Variants in CLPX observed in about 807,000 individuals in gnomAD.
The protein encoded by CLPX is caseinolytic mitochondrial matrix peptidase chaperone subunit X, also known as ATP-dependent clpX-like chaperone, mitochondrial.
Under a neutral mutation model 76.4 loss-of-function variants are expected in CLPX, and 34 were observed. The observed-to-expected ratio is 0.45, with a 90% CI of 0.34 to 0.59. The LOEUF (loss-of-function observed/expected upper bound fraction) is 0.59. Among genes scored for constraint, CLPX ranks in the 20% least tolerant of loss-of-function variants. CLPX has a pLI of 0.01. For synonymous variants in CLPX, 248 were observed against 270.9 expected (o/e 0.92, Z 0.83); for missense variants, 613 against 757.0 (o/e 0.81, Z 2.23).
At chr15:65,179,774 T>A (rs2088139041) in intron 2 of CLPX, among the ~76,000 whole-genome samples, 1 of 152,242 alleles carries the variant, frequency 6.6e-6, no homozygotes, top group Non-Finnish European at 1.5e-5. Context: ...TGGCTATTCC[T>A]AATTCAATCC....
At chr15:65,165,132 G>A (rs1321242375) in intron 4 of CLPX, among the ~76,000 whole-genome samples, 1 of 151,950 alleles carries the variant, frequency 6.6e-6, no homozygotes, top group African/African-American at 2.4e-5. Context: ...AGCCCAGGAG[G>A]TGCAGACCAG....
intron 3 of CLPX, among the ~76,000 whole-genome samples, chr15:65,171,043 G>A (rs1041101397): frequency 1.3e-5 from 2 of 151,642 alleles, no homozygotes; most frequent in African/African-American, 4.8e-5. Context: ...GGATGGTCTC[G>A]ATCTTCTGAC....
intron 3 of CLPX, among the ~76,000 whole-genome samples, chr15:65,177,180 T>C (rs932723350): frequency 3.9e-5 from 6 of 152,068 alleles, no homozygotes; most frequent in African/African-American, 1.4e-4. Flanking sequence ...GAGATTCTCC[T>C]GTCTCAGCCT....
At position 65,185,162 on chromosome 15, in the gene CLPX, G is replaced by C; in HGVS notation, c.-9C>G. On this transcript the variant is annotated 5_prime_UTR_variant, in exon 1 of 14. Transcript: ENST00000300107. ...GCACCGCAGCTGGGCATCTCCGCGA[G>C]GCCTAGGCCGGGGCTTCGCCCCCTG... is the stretch of plus-strand genomic sequence containing the variant. 1 of 1,558,088 alleles carries C rather than the reference G, an allele frequency of 6.4e-7. No individual in the cohort carries two copies. The highest frequency in any genetic ancestry group is 2.4e-5 in the East Asian group (1 of 42,162).
intron 3 of CLPX, among the ~76,000 whole-genome samples, chr15:65,167,840 A>G (rs2087938224): frequency 6.6e-6 from 1 of 151,844 alleles, no homozygotes; most frequent in African/African-American, 2.4e-5. Flanking sequence ...GTGAGCTGAG[A>G]TTGCGCCATT....
chr15:65,185,297 C>G lies in CLPX; in HGVS notation c.-144G>C. 1.6e-6 allele frequency: 1 copy of G among 631,444 alleles called. No homozygotes were observed. Among genetic ancestry groups the G allele is most frequent in the African/African-American group, 1.9e-5 (1 of 53,946 alleles). The allele number at this position is 631,444 out of a possible 1,614,324, so 39.1% of individuals were successfully genotyped here. ...GTGGAGAGTTCACCTGCCCGGCAGC[C>G]AGGCCTTCACGCTTCTCTGCCCCAC... On this transcript the variant is annotated 5_prime_UTR_variant, in exon 1 of 14. Coordinates refer to ENST00000300107, the MANE Select transcript of CLPX (RefSeq NM_006660.5).
At chr15:65,180,797 G>A (rs1033493356) in intron 1 of CLPX, among the ~76,000 whole-genome samples, 9 of 151,534 alleles carry the variant, frequency 5.9e-5, no homozygotes, top group Admixed American at 4.6e-4. Context: ...CCAGCTACTC[G>A]GGAGGCTGAG....
chr15:65,152,469 T>G lies in CLPX; in HGVS notation c.1772A>C (p.Lys591Thr), dbSNP rs1228243906. 2 of 1,563,580 alleles carry G rather than the reference T, an allele frequency of 1.3e-6. No homozygotes were observed. Among genetic ancestry groups the G allele is most frequent in the Non-Finnish European group, 1.7e-6 (2 of 1,155,528 alleles). The change falls in exon 13 of 14, where the codon AAA (lysine) becomes ACA (threonine). Residue 591 changes from lysine (K) to threonine (T), a missense_variant. Around this residue, in one of 2 missense-constraint regions of CLPX, gnomAD observed 450 missense variants for 638.6 expected, o/e 0.70. Transcript: ENST00000300107. ...NSDIVCVEVDKEVVEGKKEPG... is the reference protein window; with the variant it reads ...NSDIVCVEVDTEVVEGKKEPG... ...TTCCTTTTTTCCTTCTACTACTTCT[T>G]TGTCAACCTCCACACATACGATATC...
chr15:65,160,623 T>TCTCTCTCACACA lies in CLPX; in HGVS notation c.716-1873_716-1872insTGTGTGAGAGAG, dbSNP rs1219208926. Among the ~76,000 whole-genome samples the TCTCTCTCACACA allele has an allele frequency of 3.5e-3, 350 of 101,004 alleles. 3 individuals are homozygous for TCTCTCTCACACA. Among genetic ancestry groups the TCTCTCTCACACA allele is most frequent in the Non-Finnish European group, 5.9e-3 (282 of 47,856 alleles). The allele number at this position is 101,004 out of a possible 152,430, so 66.3% of individuals were successfully genotyped here. ...CTCTCTCTCTCTCTCTCTCTCTCTC[T>TCTCTCTCACACA]CACACACACACACACACACACACAC... On this transcript the variant is annotated intron_variant, in intron 6 of 13. Coordinates refer to ENST00000300107, the MANE Select transcript of CLPX (RefSeq NM_006660.5).
intron 5 of CLPX, 150 bp from the exon 6 acceptor site, chr15:65,162,795 TAAAAC>T (rs2087869355): frequency 3.7e-6 from 2 of 547,028 alleles, no homozygotes; most frequent in African/African-American, 1.9e-5. Flanking sequence ...TTTTCTATAT[TAAAAC>T]AAAACCATGC....
At chr15:65,185,001 G>A (rs2088236040) in intron 1 of CLPX, 74 bp downstream of exon 1, 1 of 1,359,072 alleles carries the variant, frequency 7.4e-7, no homozygotes, top group East Asian at 2.5e-5. Flanking sequence ...TGCCCTCCCC[G>A]GGGCCCCCAA....
At chr15:65,152,641 CAAACA>C (rs1334261105) in intron 12 of CLPX, 105 bp from the exon 13 acceptor site, 24 of 294,510 alleles carry the variant, frequency 8.1e-5, no homozygotes, top group Non-Finnish European at 1.3e-4. Context: ...GAAAAAGAAA[CAAACA>C]AAACAAATAT....
At chr15:65,178,515 T>C (rs2088119091) in intron 3 of CLPX, among the ~76,000 whole-genome samples, 1 of 152,138 alleles carries the variant, frequency 6.6e-6, no homozygotes, top group African/African-American at 2.4e-5. Flanking sequence ...GTCACATACA[T>C]TTATCTATTT....
At position 65,149,860 on chromosome 15, in the gene CLPX, T is replaced by TAAAAAAAA. The variant is rs36113271; in HGVS notation, c.*955_*962dup. ...GGGACAGCGTGAGACTCCGCTCAAT[T>TAAAAAAAA]AAAAAAAAAAAAAAAAAAAAGATGG... On this transcript the variant is annotated 3_prime_UTR_variant, in exon 14 of 14. Transcript: ENST00000300107. 1 of 118,794 alleles carries TAAAAAAAA rather than the reference T, an allele frequency of 8.4e-6. No individual in the cohort carries two copies. The highest frequency in any genetic ancestry group is 3.3e-5 in the African/African-American group (1 of 30,406). The allele number at this position is 118,794 out of a possible 1,614,324, so 7.4% of individuals were successfully genotyped here. A position where few individuals can be genotyped will look rare whatever the true frequency, so the allele number is the denominator to read the frequency against.
chr15:65,157,809 T>C lies in CLPX; in HGVS notation c.994A>G (p.Ile332Val), dbSNP rs140343605. Reference sequence around the variant, plus strand: ...AGTAGTTTTGCAATCACAGATTCAATATCTTCGCCTACATATCCAGCCTGA... The same window carrying C: ...AGTAGTTTTGCAATCACAGATTCAACATCTTCGCCTACATATCCAGCCTGA... ...LTQAGYVGED[I>V]ESVIAKLLQD... Residue 332 changes from isoleucine (I) to valine (V), a missense_variant, in exon 8 of 14, where the codon ATT (isoleucine) becomes GTT (valine). Physicochemically the swap from Ile to Val is conservative, Grantham distance 29. This residue lies in a region of CLPX where 450 missense variants were observed against 638.6 expected (regional missense o/e 0.70). Coordinates refer to ENST00000300107, the MANE Select transcript of CLPX (RefSeq NM_006660.5). 4.4e-5 allele frequency: 71 copies of C among 1,613,930 alleles called. No homozygotes were observed. Among genetic ancestry groups the C allele is most frequent in the Non-Finnish European group, 5.7e-5 (67 of 1,179,984 alleles).
intron 8 of CLPX, 66 bp downstream of exon 8, chr15:65,157,680 G>C: frequency 1.5e-6 from 2 of 1,372,930 alleles, no homozygotes; most frequent in Non-Finnish European, 2.0e-6. Flanking sequence ...GAATTATATT[G>C]TCTCTTAATA....
chr15:65,167,667 G>A (rs1017584926), intron 3 of CLPX, among the ~76,000 whole-genome samples: 24 of 150,494 alleles, frequency 1.6e-4, no homozygotes, highest in African/African-American at 5.4e-4. Context: ...CCTGAGGTCA[G>A]GAGTTAGAAA....
chr15:65,170,603 A>G (rs2087988313), intron 3 of CLPX, among the ~76,000 whole-genome samples: 1 of 151,826 alleles, frequency 6.6e-6, no homozygotes, highest in Admixed American at 6.6e-5. Context: ...TGTCTTTACT[A>G]AAAATACAAA....
chr15:65,180,001 G>A (rs770927902), intron 2 of CLPX, 43 bp downstream of exon 2: 1 of 1,398,432 alleles, frequency 7.2e-7, no homozygotes, highest in South Asian at 1.6e-5. Flanking sequence ...TTAAAGGAGG[G>A]AACTCACAAT....
Sources: allele counts gnomAD v4.1 joint callset (sites outside exome capture counted in the v4.1 genomes callset), GRCh38; gene constraint gnomAD v4.1.1; regional missense constraint gnomAD v4.1.1; transcripts MANE v1.5; gene names NCBI Gene and HGNC (gene_info 2026-07-23, HGNC 2026-07-21).